PIEZO2: variants seen among roughly 807,000 people sequenced by gnomAD.
PIEZO2 encodes the protein piezo type mechanosensitive ion channel component 2.
PIEZO2 carries 172 observed loss-of-function variants against 337.3 expected under a neutral mutation model. That is an observed-to-expected ratio of 0.51 (90% CI 0.45 to 0.58). The LOEUF (loss-of-function observed/expected upper bound fraction) is 0.58. PIEZO2 is among the 20% of genes least tolerant of loss of function. The probability of loss-of-function intolerance (pLI) is 0.00; values close to 1 mark genes in which losing one functional copy is unlikely to be tolerated. For missense variants in PIEZO2, 3,028 were observed against 3,391.3 expected, an observed-to-expected ratio of 0.89 and a Z score of 2.66; for synonymous variants, 1,251 against 1,228.5, an observed-to-expected ratio of 1.02 and a Z score of -0.38.
intron 5 of PIEZO2, among the ~76,000 whole-genome samples, chr18:10,864,107 T>C (rs750807294): frequency 3.3e-5 from 5 of 152,198 alleles, no homozygotes; most frequent in Non-Finnish European, 7.3e-5. Flanking sequence ...TCAGAACCCA[T>C]ATAATTACTT....
At chr18:10,822,928 C>T (rs1034169833) in intron 7 of PIEZO2, among the ~76,000 whole-genome samples, 1 of 152,200 alleles carries the variant, frequency 6.6e-6, no homozygotes, top group Non-Finnish European at 1.5e-5. Flanking sequence ...ACTTTTGGAA[C>T]TCAGCTAGAT....
At chr18:10,671,833 A>T (rs1049156112) in intron 55 of PIEZO2, 54 bp from the exon 56 acceptor site, 1 of 1,432,678 alleles carries the variant, frequency 7.0e-7, no homozygotes, top group Non-Finnish European at 9.3e-7. Flanking sequence ...TAGTTAATAA[A>T]GAAAAGCATG....
chr18:10,804,452 T>C (rs17567008), intron 8 of PIEZO2, among the ~76,000 whole-genome samples: 8,592 of 152,286 alleles, frequency 0.056, 293 homozygotes, highest in Non-Finnish European at 0.066. Flanking sequence ...ACATGAGACA[T>C]TTGCCTAAAT....
intron 21 of PIEZO2, among the ~76,000 whole-genome samples, chr18:10,764,348 T>C (rs962298188): frequency 4.6e-5 from 7 of 152,048 alleles, no homozygotes; most frequent in African/African-American, 1.7e-4. Context: ...CTTATAAAAC[T>C]ATAAAAGAAG....
At chr18:10,893,355 C>T (rs1241389984) in intron 4 of PIEZO2, among the ~76,000 whole-genome samples, 1 of 152,178 alleles carries the variant, frequency 6.6e-6, no homozygotes, top group Non-Finnish European at 1.5e-5. Context: ...GGTCAGATTC[C>T]TCAGCGATGT....
Position 10,855,715 on chromosome 18 carries a change from A to T in PIEZO2, c.704-149T>A. On this transcript the variant is annotated intron_variant, in intron 6 of 55. Transcript: ENST00000674853. This position sits in a 1 kb window ranked among gnomAD's most constrained non-coding sequence, Gnocchi z 4.9. Reference sequence around the variant, plus strand: ...AATTTTTAAAAATCATGTTTGATTTATATAATAAAAATTAATGCTAGATTT... The same window carrying T: ...AATTTTTAAAAATCATGTTTGATTTTTATAATAAAAATTAATGCTAGATTT... 3.0e-6 allele frequency: 2 copies of T among 660,810 alleles called. No individual in the cohort carries two copies. The highest frequency in any genetic ancestry group is 5.0e-6 in the Non-Finnish European group (2 of 398,716). 40.9% of individuals were successfully genotyped at this position (660,810 alleles called of 1,614,324 possible). A position where few individuals can be genotyped will look rare whatever the true frequency, so the allele number is the denominator to read the frequency against.
In PIEZO2 at chr18:11,131,579, G is replaced by A. The variant is rs982461959; in HGVS notation, c.64+16946C>T. On this transcript the variant is annotated intron_variant, in intron 1 of 55. Coordinates refer to ENST00000674853, the MANE Select transcript of PIEZO2 (RefSeq NM_001378183.1). This position sits in a 1 kb window ranked among gnomAD's most constrained non-coding sequence, Gnocchi z 5.3. ...AAATCTTCCCAGTGGGCAGAACTTC[G>A]AGCCATGCACCTGGCTGTGCACGTT... Among the ~76,000 whole-genome samples the A allele has an allele frequency of 5.3e-5, 8 of 152,192 alleles. No homozygotes were observed. Among genetic ancestry groups the A allele is most frequent in the Non-Finnish European group, 1.0e-4 (7 of 68,038 alleles).
intron 7 of PIEZO2, among the ~76,000 whole-genome samples, chr18:10,835,895 T>C (rs1228675780): frequency 6.6e-6 from 1 of 152,260 alleles, no homozygotes; most frequent in African/African-American, 2.4e-5. Context: ...CTCACAGTAC[T>C]TTTGCAAATG....
In PIEZO2 at chr18:10,954,477, A is replaced by G. The variant is rs886483012; in HGVS notation, c.286+25058T>C. 2.0e-5 allele frequency among the ~76,000 whole-genome samples: 3 copies of G among 152,238 alleles called. No homozygotes were observed. The highest frequency in any genetic ancestry group is 7.2e-5 in the African/African-American group (3 of 41,466). On this transcript the variant is annotated intron_variant, in intron 3 of 55. Transcript: ENST00000674853. The surrounding 1 kb of genome is among the most constrained non-coding windows in gnomAD (Gnocchi z 4.2). ...TTGATTGCCAATATGTAGAAATACA[A>G]TTTATTTTGGTATGTTGATCTTGCA...
At chr18:11,141,372 G>A (rs1206136240) in intron 1 of PIEZO2, among the ~76,000 whole-genome samples, 1 of 152,142 alleles carries the variant, frequency 6.6e-6, no homozygotes, top group Non-Finnish European at 1.5e-5. Context: ...CCCCAACTAT[G>A]CTTCTCGGAA....
At position 10,888,763 on chromosome 18, in the gene PIEZO2, A is replaced by C. The variant is rs2042677880; in HGVS notation, c.330-17348T>G. Among the ~76,000 whole-genome samples, 1 of 151,900 alleles carries C rather than the reference A, an allele frequency of 6.6e-6. No individual in the cohort carries two copies. Among genetic ancestry groups the C allele is most frequent in the Non-Finnish European group, 1.5e-5 (1 of 67,952 alleles). On this transcript the variant is annotated intron_variant, in intron 4 of 55. Transcript: ENST00000674853. This position sits in a 1 kb window ranked among gnomAD's most constrained non-coding sequence, Gnocchi z 4.1. ...CTTAATATATTTAGTTAAGTTCCCC[A>C]TCAGTGATTTGTTTAATGTAACTAA...
At position 10,705,387 on chromosome 18, in the gene PIEZO2, A is replaced by G; in HGVS notation, c.5948T>C (p.Ile1983Thr). ...CAGCTCATGGGTCAGGGGAGGTAAG[A>G]TGCTGGACCCCAGCTTGTCGGTGCG... ...DSRTDKLGSS[I>T]LPPLTHELTA... Residue 1983 changes from isoleucine (I) to threonine (T), a missense_variant, in exon 41 of 56, where the codon ATC (isoleucine) becomes ACC (threonine). Ile to Thr is a moderately conservative substitution (Grantham distance 89). This residue lies in a region of PIEZO2 where 1,925 missense variants were observed against 2,051.9 expected (regional missense o/e 0.94). Coordinates refer to ENST00000674853, the MANE Select transcript of PIEZO2 (RefSeq NM_001378183.1). 2.0e-6 allele frequency: 3 copies of G among 1,537,176 alleles called. No homozygotes were observed. The highest frequency in any genetic ancestry group is 2.6e-6 in the Non-Finnish European group (3 of 1,146,878).
chr18:10,835,091 G>A (rs1050538955), intron 7 of PIEZO2, among the ~76,000 whole-genome samples: 10 of 152,188 alleles, frequency 6.6e-5, no homozygotes, highest in Non-Finnish European at 1.5e-4. Flanking sequence ...GGTACTATCT[G>A]TGAACCAGGA....
intron 36 of PIEZO2, among the ~76,000 whole-genome samples, chr18:10,720,027 A>G (rs2036190658): frequency 6.6e-6 from 1 of 151,926 alleles, no homozygotes; most frequent in East Asian, 1.9e-4. Flanking sequence ...TGCTCTGAGG[A>G]AGTACATCTT....
rs367943583 is a variant in PIEZO2 at position 10,672,768 on chromosome 18, G to T, written c.8267C>A (p.Pro2756Gln). ...LNLTGNRIYN[P>Q]NSQALELVVF... ...CACCAGTTCCAGGGCCTGAGAGTTC[G>T]GATTGTATATTCTGTTTCCAGTCAG... Residue 2756 changes from proline to glutamine, a missense_variant, in exon 55 of 56, where the codon CCG becomes CAG. Physicochemically the swap from Pro to Gln is moderately conservative, Grantham distance 76 (BLOSUM62 -1). Transcript: ENST00000674853. This position sits in a 1 kb window ranked among gnomAD's most constrained non-coding sequence, Gnocchi z 4.7. 15 of 1,613,898 alleles carry T rather than the reference G, an allele frequency of 9.3e-6. No individual in the cohort carries two copies. Among genetic ancestry groups the T allele is most frequent in the Non-Finnish European group, 1.3e-5 (15 of 1,179,980 alleles).
At position 11,125,489 on chromosome 18, in the gene PIEZO2, T is replaced by C. The variant is rs751642427; in HGVS notation, c.64+23036A>G. 2.2e-4 allele frequency among the ~76,000 whole-genome samples: 34 copies of C among 152,198 alleles called. No individual in the cohort carries two copies. The highest frequency in any genetic ancestry group is 4.3e-4 in the Non-Finnish European group (29 of 68,032). ...CTCTGTTTAGCTGACAAAACACGTG[T>C]TTAGTGCTAAGAGTCCAGCACACTT... On this transcript the variant is annotated intron_variant, in intron 1 of 55. Transcript: ENST00000674853. The surrounding 1 kb of genome is among the most constrained non-coding windows in gnomAD (Gnocchi z 4.4).
rs367637731 is a variant in PIEZO2 at position 10,896,936 on chromosome 18, GA to G, written c.329+14249del. 2.6e-4 allele frequency among the ~76,000 whole-genome samples: 40 copies of G among 152,212 alleles called. 1 individual carries two copies. Among genetic ancestry groups the G allele is most frequent in the African/African-American group, 9.4e-4 (39 of 41,532 alleles). Reference sequence around the variant, plus strand: ...CATGGCCTTCCACATAATCTCTGCTGAAAAAAAGTCTCTCAACCACCCCACA... The same window carrying G: ...CATGGCCTTCCACATAATCTCTGCTGAAAAAAGTCTCTCAACCACCCCACA... On this transcript the variant is annotated intron_variant, in intron 4 of 55. Coordinates refer to ENST00000674853, the MANE Select transcript of PIEZO2 (RefSeq NM_001378183.1).
intron 7 of PIEZO2, among the ~76,000 whole-genome samples, chr18:10,818,922 T>A (rs1019509600): frequency 1.3e-5 from 2 of 152,174 alleles, no homozygotes; most frequent in South Asian, 2.1e-4. Context: ...GAAACAGGAA[T>A]AAAAAGATGT....
At chr18:10,972,857 G>T (rs750815441) in intron 3 of PIEZO2, among the ~76,000 whole-genome samples, 5 of 152,088 alleles carry the variant, frequency 3.3e-5, no homozygotes, top group Non-Finnish European at 7.3e-5. Context: ...TGTACTATTT[G>T]ACCACTTACA....
Sources: allele counts gnomAD v4.1 joint callset (sites outside exome capture counted in the v4.1 genomes callset), GRCh38; gene constraint gnomAD v4.1.1; regional missense constraint gnomAD v4.1.1; non-coding constraint Gnocchi (gnomAD v3.1); transcripts MANE v1.5; gene names NCBI Gene and HGNC (gene_info 2026-07-23, HGNC 2026-07-21).